KCNJ16: variants seen among roughly 807,000 people sequenced by gnomAD.
KCNJ16 encodes the protein inward rectifier potassium channel 16.
A neutral mutation model predicts 18.5 loss-of-function variants in KCNJ16; 15 were observed. The observed-to-expected ratio is 0.81, with a 90% CI of 0.54 to 1.25. The LOEUF is 1.25. Ranked by LOEUF, KCNJ16 falls within the 50% of genes most tolerant of loss-of-function variation. The probability of loss-of-function intolerance (pLI) is 0.00; values close to 1 mark genes in which losing one functional copy is unlikely to be tolerated. For missense variants in KCNJ16, 523 were observed against 525.7 expected, an observed-to-expected ratio of 0.99 and a Z score of 0.05; for synonymous variants, 174 against 186.5, an observed-to-expected ratio of 0.93 and a Z score of 0.55.
chr17:70,115,765 C>G (rs1166104054), intron 2 of KCNJ16, among the ~76,000 whole-genome samples: 3 of 152,124 alleles, frequency 2.0e-5, no homozygotes, highest in Non-Finnish European at 4.4e-5. Flanking sequence ...TCCCTCTTCT[C>G]CCTCCCACCT....
intron 1 of KCNJ16, among the ~76,000 whole-genome samples, chr17:70,097,507 G>A (rs547909534): frequency 6.6e-6 from 1 of 152,240 alleles, no homozygotes; most frequent in South Asian, 2.1e-4. Flanking sequence ...AGGAGCACCA[G>A]GAATGCTTTT....
At chr17:70,102,611 T>C (rs2072696483) in intron 2 of KCNJ16, among the ~76,000 whole-genome samples, 1 of 152,192 alleles carries the variant, frequency 6.6e-6, no homozygotes, top group African/African-American at 2.4e-5. Flanking sequence ...CAAAATCTTA[T>C]GTGAAAAATT....
rs149905175 is a variant in KCNJ16, at chr17:70,116,868, G to C, written c.-190-14011G>C. Among the ~76,000 whole-genome samples the C allele has an allele frequency of 4.6e-3, 703 of 152,300 alleles. 9 individuals carry two copies. Among genetic ancestry groups the C allele is most frequent in the African/African-American group, 0.016 (678 of 41,572 alleles). On this transcript the variant is annotated intron_variant, in intron 2 of 3. Transcript: ENST00000392671. ...ACAGTGTTGGTGGGAATGTAAATTAGTTCAGCCACCGTGGAAAGCAGTTTG... is the reference window on the plus strand; with the variant it reads ...ACAGTGTTGGTGGGAATGTAAATTACTTCAGCCACCGTGGAAAGCAGTTTG...
Position 70,081,663 on chromosome 17 carries a change from T to C in KCNJ16, c.-300+6273T>C, listed in dbSNP as rs536194577. Among the ~76,000 whole-genome samples, 6 of 152,054 alleles carry C rather than the reference T, an allele frequency of 3.9e-5. No individual in the cohort carries two copies. The South Asian group carries it at 1.2e-3, about 32-fold the overall frequency. On this transcript the variant is annotated intron_variant, in intron 1 of 3. Transcript: ENST00000392671. ...CAAACAGTGGGCACTGTTTCTCGAG[T>C]TGTGTATGGAATTTGGTTGTGCTCT... is the stretch of plus-strand genomic sequence containing the variant.
At chr17:70,089,665 G>A (rs1466936403) in intron 1 of KCNJ16, among the ~76,000 whole-genome samples, 1 of 152,168 alleles carries the variant, frequency 6.6e-6, no homozygotes, top group Non-Finnish European at 1.5e-5. Flanking sequence ...TGCTGGGAAG[G>A]AGGGAAAACA....
intron 2 of KCNJ16, among the ~76,000 whole-genome samples, chr17:70,116,339 T>C (rs61117976): frequency 6.6e-6 from 1 of 152,250 alleles, no homozygotes; most frequent in South Asian, 2.1e-4. Flanking sequence ...CTCTCATTTA[T>C]AAAATAGCTA....
chr17:70,133,954 G>C lies in KCNJ16; in HGVS notation c.*610G>C, dbSNP rs2074151202. 1 of 167,204 alleles carries C rather than the reference G, an allele frequency of 6.0e-6. No individual in the cohort carries two copies. Among genetic ancestry groups the C allele is most frequent in the South Asian group, 2.1e-4 (1 of 4,826 alleles). 10.4% of individuals were successfully genotyped at this position (167,204 alleles called of 1,614,324 possible). On this transcript the variant is annotated 3_prime_UTR_variant, in exon 4 of 4. Transcript: ENST00000392671. ...ACCAATTCCACTGCTACTTGCCCAG[G>C]TAGTGATCAGTGAGAGTTAGAAGCA...
intron 2 of KCNJ16, among the ~76,000 whole-genome samples, chr17:70,106,929 G>A (rs1332468482): frequency 6.6e-6 from 1 of 152,090 alleles, no homozygotes; most frequent in Non-Finnish European, 1.5e-5. Context: ...CCTCTTAATA[G>A]GCCACCCCCT....
Position 70,132,589 on chromosome 17 carries a change from G to T in KCNJ16, c.502G>T (p.Ala168Ser). ...CATAAATACCTTTATCATTGGAGCTGCCTTGGCCAAAATGGCAACTGCTCG... is the reference window on the plus strand; with the variant it reads ...CATAAATACCTTTATCATTGGAGCTTCCTTGGCCAAAATGGCAACTGCTCG... The part of the protein sequence containing the change: ...CIINTFIIGA[A>S]LAKMATARKR... The change falls in exon 4 of 4, where the codon GCC becomes TCC. Residue 168 changes from alanine to serine, a missense_variant. Transcript: ENST00000392671. The T allele has an allele frequency of 6.2e-7, 1 of 1,614,176 alleles. No individual in the cohort carries two copies.
chr17:70,103,314 A>G (rs1426169049), intron 2 of KCNJ16, among the ~76,000 whole-genome samples: 3 of 14,892 alleles, frequency 2.0e-4, no homozygotes, highest in Non-Finnish European at 5.2e-4. Context: ...ATATATATAT[A>G]TATATATACA....
intron 2 of KCNJ16, chr17:70,128,988 G>A (rs941705899): frequency 2.6e-5 from 4 of 152,238 alleles, no homozygotes; most frequent in Admixed American, 6.5e-5. Flanking sequence ...CGTCTTCAGC[G>A]GGTACGTGTC....
At position 70,092,612 on chromosome 17, in the gene KCNJ16, T is replaced by TA. The variant is rs534583488; in HGVS notation, c.-299-8046_-299-8045insA. Among the ~76,000 whole-genome samples the TA allele has an allele frequency of 2.0e-3, 303 of 149,582 alleles. 1 individual carries two copies. Among genetic ancestry groups the TA allele is most frequent in the Non-Finnish European group, 3.6e-3 (239 of 67,100 alleles). ...ATAGATAGATAGATAGATAGATAGA[T>TA]GAGATTCATAATGAAAACTGACTTA... is the stretch of plus-strand genomic sequence containing the variant. On this transcript the variant is annotated intron_variant, in intron 1 of 3. Coordinates refer to ENST00000392671, the MANE Select transcript of KCNJ16 (RefSeq NM_170741.4).
chr17:70,086,348 A>G (rs1324762067), intron 1 of KCNJ16, among the ~76,000 whole-genome samples: 1 of 152,224 alleles, frequency 6.6e-6, no homozygotes, highest in Non-Finnish European at 1.5e-5. Context: ...CAGAACACAT[A>G]TTACTAATGA....
At chr17:70,116,255 G>A (rs947949464) in intron 2 of KCNJ16, among the ~76,000 whole-genome samples, 9 of 151,366 alleles carry the variant, frequency 5.9e-5, no homozygotes, top group Admixed American at 3.3e-4. Context: ...TTTTTTTCCC[G>A]TCACTCTTCT....
intron 1 of KCNJ16, among the ~76,000 whole-genome samples, chr17:70,092,312 A>G (rs1184866534): frequency 6.6e-6 from 1 of 152,156 alleles, no homozygotes; most frequent in African/African-American, 2.4e-5. Context: ...AAAGAACAAC[A>G]TTTTAAGATT....
chr17:70,097,214 C>T (rs1027943190), intron 1 of KCNJ16, among the ~76,000 whole-genome samples: 2 of 152,244 alleles, frequency 1.3e-5, no homozygotes, highest in African/African-American at 4.8e-5. Context: ...GGGATCCACA[C>T]AAAGGACATG....
In KCNJ16 at chr17:70,132,280, C is replaced by T; in HGVS notation, c.193C>T (p.Leu65Phe). The T allele has an allele frequency of 6.2e-7, 1 of 1,614,154 alleles. No individual in the cohort carries two copies. Among genetic ancestry groups the T allele is most frequent in the Non-Finnish European group, 8.5e-7 (1 of 1,180,006 alleles). ...CTATGTGGTTGACATCTTCACCACT[C>T]TTGTGGACACCAAGTGGCGCCATAT... is the stretch of plus-strand genomic sequence containing the variant. Reference protein sequence around the residue: ...GSYVVDIFTTLVDTKWRHMFV... With the variant: ...GSYVVDIFTTFVDTKWRHMFV... The change falls in exon 4 of 4, where the codon CTT (leucine) becomes TTT (phenylalanine). Residue 65 changes from leucine to phenylalanine, a missense_variant. Leu to Phe is a conservative substitution (Grantham distance 22). Transcript: ENST00000392671.
chr17:70,107,859 A>T (rs1414264317), intron 2 of KCNJ16, among the ~76,000 whole-genome samples: 2 of 152,154 alleles, frequency 1.3e-5, no homozygotes, highest in Non-Finnish European at 2.9e-5. Flanking sequence ...TTTAAATACT[A>T]ATGTTAAAAG....
At chr17:70,090,282 T>C (rs564288156) in intron 1 of KCNJ16, among the ~76,000 whole-genome samples, 1 of 152,158 alleles carries the variant, frequency 6.6e-6, no homozygotes, top group Non-Finnish European at 1.5e-5. Flanking sequence ...AACTCTAAGA[T>C]AAGGAGAAAA....
Sources: allele counts gnomAD v4.1 joint callset (sites outside exome capture counted in the v4.1 genomes callset), GRCh38; gene constraint gnomAD v4.1.1; transcripts MANE v1.5; gene names NCBI Gene and HGNC (gene_info 2026-07-23, HGNC 2026-07-21).